CELF4: variants seen among roughly 807,000 people sequenced by gnomAD.
CELF4 encodes the protein CUG-BP- and ETR-3-like factor 4.
In CELF4, 18 loss-of-function variants were observed where a neutral mutation model predicts 59.9. The ratio of observed to expected loss-of-function variants is 0.30; its 90% CI spans 0.21 to 0.45. The LOEUF (loss-of-function observed/expected upper bound fraction) is 0.45, where lower values mean the gene tolerates loss of function less well. CELF4 is among the 20% of genes least tolerant of loss of function. The pLI is 1.00. For missense variants in CELF4, 456 were observed against 689.0 expected, an observed-to-expected ratio of 0.66 and a Z score of 3.79; for synonymous variants, 261 against 267.1, an observed-to-expected ratio of 0.98 and a Z score of 0.22.
intron 2 of CELF4, among the ~76,000 whole-genome samples, chr18:37,479,737 T>C (rs2099861076): frequency 6.6e-6 from 1 of 152,170 alleles, no homozygotes; most frequent in Admixed American, 6.5e-5. Flanking sequence ...CTCAGTGTTA[T>C]GAGTTGAATT....
At chr18:37,418,674 C>T (rs2099548663) in intron 2 of CELF4, among the ~76,000 whole-genome samples, 1 of 152,234 alleles carries the variant, frequency 6.6e-6, no homozygotes, top group Non-Finnish European at 1.5e-5. Context: ...AATAATAACA[C>T]ATACTCTGCC....
At chr18:37,483,639 G>A (rs191842720) in intron 2 of CELF4, among the ~76,000 whole-genome samples, 420 of 152,294 alleles carry the variant, frequency 2.8e-3, no homozygotes, top group African/African-American at 9.5e-3. Flanking sequence ...AGATTATGGG[G>A]AACAGTGTTA....
chr18:37,274,144 C>A (rs2092490708), intron 6 of CELF4, 167 bp downstream of exon 6: 2 of 1,437,380 alleles, frequency 1.4e-6, no homozygotes, highest in South Asian at 1.6e-5. Flanking sequence ...TTCTTTCAAA[C>A]CCTTCTGAAG....
At chr18:37,315,522 C>T (rs1403003672) in intron 3 of CELF4, among the ~76,000 whole-genome samples, 17 of 152,116 alleles carry the variant, frequency 1.1e-4, no homozygotes. Context: ...AGACCGTCCC[C>T]ACCTCCTAGC....
intron 2 of CELF4, among the ~76,000 whole-genome samples, chr18:37,364,505 A>G (rs927179302): frequency 6.6e-6 from 1 of 152,172 alleles, no homozygotes; most frequent in African/African-American, 2.4e-5. Flanking sequence ...CTGGGGCTCC[A>G]GGCTCCAGGC....
intron 12 of CELF4, chr18:37,247,482 A>T (rs2062732889): frequency 1.3e-5 from 2 of 151,978 alleles, no homozygotes. Context: ...AAACAAAATT[A>T]AAAAGAAAAT....
chr18:37,351,557 G>A (rs763606583), intron 2 of CELF4, among the ~76,000 whole-genome samples: 1 of 151,714 alleles, frequency 6.6e-6, no homozygotes, highest in Non-Finnish European at 1.5e-5. Context: ...TTTTGAGCCA[G>A]TGTCCAGAAA....
chr18:37,360,481 G>T (rs951104656), intron 2 of CELF4, among the ~76,000 whole-genome samples: 1 of 152,200 alleles, frequency 6.6e-6, no homozygotes, highest in Non-Finnish European at 1.5e-5. Flanking sequence ...AGCACTTACT[G>T]TGTGCCAAGC....
At chr18:37,519,195 T>C (rs1429312101) in intron 1 of CELF4, among the ~76,000 whole-genome samples, 1 of 152,168 alleles carries the variant, frequency 6.6e-6, no homozygotes, top group Non-Finnish European at 1.5e-5. Context: ...TTTGCGTTCA[T>C]CAGCTTTAAA....
At chr18:37,410,661 G>T (rs956052747) in intron 2 of CELF4, among the ~76,000 whole-genome samples, 1 of 152,252 alleles carries the variant, frequency 6.6e-6, no homozygotes, top group Non-Finnish European at 1.5e-5. Flanking sequence ...ATGTGAAGGT[G>T]AGAGTGTGCC....
chr18:37,321,994 C>T (rs1460032791), intron 2 of CELF4, 113 bp from the exon 3 acceptor site: 9 of 698,872 alleles, frequency 1.3e-5, no homozygotes, highest in Admixed American at 1.1e-4. Context: ...CCCACAGACA[C>T]GCGCTCCCAC....
intron 2 of CELF4, among the ~76,000 whole-genome samples, chr18:37,360,017 A>AT (rs1354308393): frequency 6.6e-6 from 1 of 150,496 alleles, no homozygotes; most frequent in Non-Finnish European, 1.5e-5. Context: ...GCCCAGCTAA[A>AT]TTTTTTTGTA....
intron 1 of CELF4, among the ~76,000 whole-genome samples, chr18:37,537,234 C>T (rs2099974231): frequency 6.6e-6 from 1 of 152,182 alleles, no homozygotes; most frequent in South Asian, 2.1e-4. Flanking sequence ...ACTGCCCAAA[C>T]CAAACATAGG....
chr18:37,327,747 G>A (rs1385392231), intron 2 of CELF4, among the ~76,000 whole-genome samples: 4 of 152,150 alleles, frequency 2.6e-5, no homozygotes, highest in Non-Finnish European at 5.9e-5. Context: ...ATGGGATCAT[G>A]GGCCCTCCTC....
At chr18:37,520,769 T>G (rs2099956434) in intron 1 of CELF4, among the ~76,000 whole-genome samples, 1 of 152,168 alleles carries the variant, frequency 6.6e-6, no homozygotes. Context: ...TCTTATGATG[T>G]CATATATTTC....
intron 2 of CELF4, among the ~76,000 whole-genome samples, chr18:37,416,832 T>C (rs1172787905): frequency 1.3e-5 from 2 of 152,140 alleles, no homozygotes; most frequent in Non-Finnish European, 1.5e-5. Context: ...AATGCACTTC[T>C]GCAATCAGGT....
chr18:37,527,959 T>A (rs2099965679), intron 1 of CELF4, among the ~76,000 whole-genome samples: 1 of 152,194 alleles, frequency 6.6e-6, no homozygotes, highest in South Asian at 2.1e-4. Context: ...CTAGGAGAAC[T>A]CATGGTTCCT....
chr18:37,394,983 A>G (rs2099224826), intron 2 of CELF4, among the ~76,000 whole-genome samples: 1 of 84,960 alleles, frequency 1.2e-5, no homozygotes, highest in Non-Finnish European at 2.2e-5. Flanking sequence ...CACTGTCCCC[A>G]GAGTAAGTCT....
intron 1 of CELF4, among the ~76,000 whole-genome samples, chr18:37,514,378 TAGG>T (rs1414098000): frequency 6.6e-6 from 1 of 152,196 alleles, no homozygotes; most frequent in African/African-American, 2.4e-5. Flanking sequence ...AATCATGGGT[TAGG>T]ACTTCTTCAT....
Sources: allele counts gnomAD v4.1 joint callset (sites outside exome capture counted in the v4.1 genomes callset), GRCh38; gene constraint gnomAD v4.1.1; transcripts MANE v1.5; gene names NCBI Gene and HGNC (gene_info 2026-07-23, HGNC 2026-07-21).